TENM4: variants seen among roughly 807,000 people sequenced by gnomAD.
TENM4 encodes the protein teneurin-4.
A neutral mutation model predicts 243.3 loss-of-function variants in TENM4; 82 were observed. The observed-to-expected ratio is 0.34, with a 90% CI of 0.28 to 0.40. TENM4 has a LOEUF of 0.40. Ranked by LOEUF, TENM4 falls within the 10% of genes least tolerant of loss-of-function variation. The probability of loss-of-function intolerance (pLI) is 1.00; values close to 1 mark genes in which losing one functional copy is unlikely to be tolerated. For missense variants in TENM4, 3,138 were observed against 3,673.3 expected (o/e 0.85, Z 3.77); for synonymous variants, 1,412 against 1,456.3 (o/e 0.97, Z 0.69).
At chr11:79,107,159 G>T (rs2137093659) in intron 4 of TENM4, among the ~76,000 whole-genome samples, 1 of 152,202 alleles carries the variant, frequency 6.6e-6, no homozygotes, top group South Asian at 2.1e-4. Flanking sequence ...GGCAGAGCTG[G>T]GATCTGAATC....
intron 21 of TENM4, among the ~76,000 whole-genome samples, chr11:78,730,566 G>A (rs1855638671): frequency 6.6e-6 from 1 of 152,190 alleles, no homozygotes; most frequent in East Asian, 1.9e-4. Context: ...TAGCTACTGG[G>A]TGCAATGAGC....
chr11:79,234,903 A>G (rs1864435833), intron 2 of TENM4, among the ~76,000 whole-genome samples: 1 of 152,168 alleles, frequency 6.6e-6, no homozygotes, highest in Non-Finnish European at 1.5e-5. Context: ...CAAGGTAAGA[A>G]GAAAATATCT....
chr11:78,958,785 G>A (rs541312725), intron 6 of TENM4, among the ~76,000 whole-genome samples: 24 of 152,304 alleles, frequency 1.6e-4, no homozygotes, highest in African/African-American at 5.5e-4. Context: ...CACCCTTTAG[G>A]AGCCAAAGAG....
rs1048913985 is a variant in TENM4 at position 79,212,509 on chromosome 11, C to G, written c.-163+3299G>C. Among the ~76,000 whole-genome samples, 14 of 152,062 alleles carry G rather than the reference C, an allele frequency of 9.2e-5. No homozygotes were observed. The South Asian group carries it at 1.9e-3, about 20-fold the overall frequency. On this transcript the variant is annotated intron_variant, in intron 3 of 33. Coordinates refer to ENST00000278550, the MANE Select transcript of TENM4 (RefSeq NM_001098816.3). ...AATTGCTTAATTTTAAATTGTTAACCTACTCAAATCCTTTTTGGAAAGGGG... is the reference window on the plus strand; with the variant it reads ...AATTGCTTAATTTTAAATTGTTAACGTACTCAAATCCTTTTTGGAAAGGGG...
At chr11:78,894,721 A>G (rs1015847209) in intron 7 of TENM4, among the ~76,000 whole-genome samples, 2 of 152,202 alleles carry the variant, frequency 1.3e-5, no homozygotes, top group African/African-American at 4.8e-5. Flanking sequence ...GGCCAGGTGC[A>G]GTGGCTCACA....
At chr11:79,067,278 A>G (rs1860288308) in intron 5 of TENM4, among the ~76,000 whole-genome samples, 1 of 152,126 alleles carries the variant, frequency 6.6e-6, no homozygotes, top group Non-Finnish European at 1.5e-5. Flanking sequence ...TCCTTCAAAG[A>G]AAAAGAAAAT....
intron 17 of TENM4, among the ~76,000 whole-genome samples, chr11:78,774,079 T>C (rs1364831377): frequency 3.9e-5 from 6 of 152,204 alleles, no homozygotes; most frequent in Non-Finnish European, 8.8e-5. Flanking sequence ...TACTTCACTC[T>C]AAGCTTCAGT....
At chr11:79,121,731 G>C (rs563420819) in intron 4 of TENM4, among the ~76,000 whole-genome samples, 1 of 152,276 alleles carries the variant, frequency 6.6e-6, no homozygotes, top group East Asian at 1.9e-4. Context: ...TTTGCTGGAG[G>C]ACAGGTCTTA....
chr11:78,878,272 C>A (rs1482844961), intron 9 of TENM4, among the ~76,000 whole-genome samples: 1 of 152,134 alleles, frequency 6.6e-6, no homozygotes, highest in Non-Finnish European at 1.5e-5. Flanking sequence ...TCACGCCAGA[C>A]CCGGCACAAG....
intron 2 of TENM4, among the ~76,000 whole-genome samples, chr11:79,228,649 A>G (rs986784822): frequency 6.6e-6 from 1 of 152,192 alleles, no homozygotes; most frequent in Non-Finnish European, 1.5e-5. Context: ...TGGAGACGAA[A>G]AAAAAAACAA....
intron 1 of TENM4, among the ~76,000 whole-genome samples, chr11:79,302,660 C>A (rs1856568041): frequency 6.6e-6 from 1 of 152,160 alleles, no homozygotes; most frequent in Non-Finnish European, 1.5e-5. Flanking sequence ...AGGCTCAGTA[C>A]TTCTCTAGCC....
Position 79,089,364 on chromosome 11 carries a change from A to C in TENM4, c.-65-19355T>G, listed in dbSNP as rs141082272. On this transcript the variant is annotated intron_variant, in intron 4 of 33. Coordinates refer to ENST00000278550, the MANE Select transcript of TENM4 (RefSeq NM_001098816.3). ...CCTTCTCCTCCCATTCCACGAGCGC[A>C]AGGAAAGGGTGTTCAAGTCAGAGCC... 2.8e-3 allele frequency among the ~76,000 whole-genome samples: 426 copies of C among 152,312 alleles called. 2 individuals are homozygous for C. Among genetic ancestry groups the C allele is most frequent in the East Asian group, 3.3e-3 (17 of 5,182 alleles).
chr11:78,708,582 G>A (rs1859315503), intron 26 of TENM4, 67 bp from the exon 27 acceptor site: 1 of 1,554,044 alleles, frequency 6.4e-7, no homozygotes, highest in African/African-American at 1.4e-5. Context: ...CATTCCTGGA[G>A]CCTTGCTAAC....
At chr11:79,318,458 T>C (rs1176689045) in intron 1 of TENM4, among the ~76,000 whole-genome samples, 1 of 152,168 alleles carries the variant, frequency 6.6e-6, no homozygotes, top group Non-Finnish European at 1.5e-5. Flanking sequence ...GACAACTGAC[T>C]TTCCAGAAGA....
intron 2 of TENM4, among the ~76,000 whole-genome samples, chr11:79,259,636 C>CCCAT (rs71050215): frequency 5.6e-5 from 8 of 141,766 alleles, no homozygotes; most frequent in Admixed American, 2.1e-4. Flanking sequence ...CATCCACTCC[C>CCCAT]CCATCCATCC....
intron 1 of TENM4, among the ~76,000 whole-genome samples, chr11:79,425,150 G>A (rs1284041217): frequency 1.3e-5 from 2 of 152,074 alleles, no homozygotes; most frequent in Non-Finnish European, 1.5e-5. Flanking sequence ...CACTCCGCAG[G>A]CCCTTACTGA....
At chr11:79,402,030 C>T (rs1175579955) in intron 1 of TENM4, 2 of 426,940 alleles carry the variant, frequency 4.7e-6, no homozygotes, top group African/African-American at 4.0e-5. Context: ...GGTCCCTGCC[C>T]TCTAGAAGCT....
intron 4 of TENM4, among the ~76,000 whole-genome samples, chr11:79,081,382 AACTCCAGGTCCAG>A (rs549891274): frequency 6.7e-4 from 102 of 152,276 alleles, no homozygotes; most frequent in African/African-American, 2.3e-3. Flanking sequence ...TGTCTTATAA[AACTCCAGGTCCAG>A]ACACATGTAG....
intron 16 of TENM4, among the ~76,000 whole-genome samples, chr11:78,786,603 C>A (rs1238272193): frequency 6.6e-6 from 1 of 152,232 alleles, no homozygotes; most frequent in African/African-American, 2.4e-5. Context: ...ACACAGAGCT[C>A]CCTGACACAG....
Sources: allele counts gnomAD v4.1 joint callset (sites outside exome capture counted in the v4.1 genomes callset), GRCh38; gene constraint gnomAD v4.1.1; transcripts MANE v1.5; gene names NCBI Gene and HGNC (gene_info 2026-07-23, HGNC 2026-07-21).